Variants in SENP6 observed in about 807,000 individuals in gnomAD.
SENP6 encodes the protein sentrin-specific protease 6.
A neutral mutation model predicts 134.5 loss-of-function variants in SENP6; 41 were observed. The ratio of observed to expected loss-of-function variants is 0.30; its 90% CI spans 0.24 to 0.40. The LOEUF (loss-of-function observed/expected upper bound fraction) is 0.40. Ranked by LOEUF, SENP6 falls within the 10% of genes least tolerant of loss-of-function variation. The probability of loss-of-function intolerance (pLI) is 1.00; values close to 1 mark genes in which losing one functional copy is unlikely to be tolerated. For missense variants in SENP6, 1,248 were observed against 1,312.5 expected (o/e 0.95, Z 0.76); for synonymous variants, 395 against 429.8 (o/e 0.92, Z 1.00).
intron 3 of SENP6, among the ~76,000 whole-genome samples, chr6:75,624,602 T>G (rs916348145): frequency 2.0e-5 from 3 of 152,206 alleles, no homozygotes; most frequent in African/African-American, 7.2e-5. Context: ...CAGTGTAGTT[T>G]TAATTTCCAT....
intron 11 of SENP6, 70 bp from the exon 12 acceptor site, chr6:75,675,364 AT>A (rs1384908700): frequency 1.2e-6 from 1 of 851,500 alleles, no homozygotes; most frequent in Non-Finnish European, 1.9e-6. Context: ...CATTCTAAGT[AT>A]TTGAATAAAA....
intron 9 of SENP6, among the ~76,000 whole-genome samples, chr6:75,663,828 G>T (rs1343658319): frequency 6.7e-6 from 1 of 148,504 alleles, no homozygotes; most frequent in Non-Finnish European, 1.5e-5. Context: ...TTGTGGGGGG[G>T]GGGGTGCCTA....
chr6:75,663,591 T>A, intron 9 of SENP6, 73 bp downstream of exon 9: 1 of 1,059,924 alleles, frequency 9.4e-7, no homozygotes, highest in Admixed American at 2.6e-5. Context: ...ACAACCACTC[T>A]CCCCAACCCC....
At chr6:75,686,534 C>G (rs1210974491) in intron 16 of SENP6, among the ~76,000 whole-genome samples, 1 of 152,140 alleles carries the variant, frequency 6.6e-6, no homozygotes, top group Non-Finnish European at 1.5e-5. Flanking sequence ...TGGCTGGTAC[C>G]AGTTGTTTCT....
chr6:75,698,420 T>A (rs1774797341), intron 18 of SENP6, among the ~76,000 whole-genome samples: 2 of 152,240 alleles, frequency 1.3e-5, no homozygotes, highest in African/African-American at 2.4e-5. Context: ...GGTTGCAGAA[T>A]ATGCTTTCCT....
intron 6 of SENP6, among the ~76,000 whole-genome samples, chr6:75,642,850 C>T (rs1212455378): frequency 2.0e-5 from 3 of 152,122 alleles, no homozygotes; most frequent in African/African-American, 7.2e-5. Flanking sequence ...AAAGGAAAAT[C>T]AGTAATAGTC....
chr6:75,656,964 T>C (rs1771388615), intron 7 of SENP6, among the ~76,000 whole-genome samples: 1 of 152,188 alleles, frequency 6.6e-6, no homozygotes, highest in South Asian at 2.1e-4. Context: ...GTTATAGGTA[T>C]GGTGAAGAGA....
intron 3 of SENP6, among the ~76,000 whole-genome samples, chr6:75,631,111 T>C (rs1247016766): frequency 6.6e-6 from 1 of 152,176 alleles, no homozygotes; most frequent in Non-Finnish European, 1.5e-5. Context: ...TTTTCGATAG[T>C]GTGTCTAATT....
At chr6:75,631,259 CTTAAA>C (rs1387845412) in intron 3 of SENP6, among the ~76,000 whole-genome samples, 6 of 152,080 alleles carry the variant, frequency 3.9e-5, no homozygotes, top group African/African-American at 1.4e-4. Flanking sequence ...CAGTACTTTA[CTTAAA>C]TTACATGATG....
intron 14 of SENP6, 172 bp from the exon 15 acceptor site, chr6:75,678,411 T>C (rs1327689612): frequency 9.4e-6 from 5 of 530,684 alleles, no homozygotes; most frequent in Admixed American, 7.8e-5. Context: ...AATAAGAAAG[T>C]GGCCCCTAGT....
intron 3 of SENP6, among the ~76,000 whole-genome samples, chr6:75,631,635 TGGA>T (rs1222660376): frequency 6.6e-6 from 1 of 152,198 alleles, no homozygotes; most frequent in African/African-American, 2.4e-5. Flanking sequence ...AAAGTTTTCT[TGGA>T]AAACAGCCAT....
chr6:75,703,774 CAAA>C (rs1171761782), intron 19 of SENP6, among the ~76,000 whole-genome samples: 3 of 151,858 alleles, frequency 2.0e-5, no homozygotes, highest in African/African-American at 7.3e-5. Flanking sequence ...AATTAAAAAA[CAAA>C]AAAATTGAGA....
intron 3 of SENP6, among the ~76,000 whole-genome samples, chr6:75,627,841 T>A (rs1768814891): frequency 6.6e-6 from 1 of 151,812 alleles, no homozygotes; most frequent in Non-Finnish European, 1.5e-5. Context: ...CACGCCCGGC[T>A]AATTTTTTAT....
intron 16 of SENP6, among the ~76,000 whole-genome samples, chr6:75,684,540 T>C (rs530732489): frequency 6.6e-6 from 1 of 152,330 alleles, no homozygotes; most frequent in Non-Finnish European, 1.5e-5. Flanking sequence ...GGGTTTGTCA[T>C]AAATAGCTCT....
intron 6 of SENP6, among the ~76,000 whole-genome samples, chr6:75,647,130 C>G (rs6902058): frequency 0.3 from 45,141 of 152,018 alleles, 7,128 homozygotes; most frequent in Middle Eastern, 0.37. Flanking sequence ...GCTCCCTGGT[C>G]TGTTGCACTT....
At chr6:75,634,264 A>T (rs1427324200) in intron 4 of SENP6, among the ~76,000 whole-genome samples, 1 of 152,144 alleles carries the variant, frequency 6.6e-6, no homozygotes, top group Non-Finnish European at 1.5e-5. Flanking sequence ...GCAAAATCAG[A>T]AATAGTATTT....
chr6:75,666,093 A>G (rs942891210), intron 9 of SENP6, among the ~76,000 whole-genome samples: 1 of 146,576 alleles, frequency 6.8e-6, no homozygotes, highest in African/African-American at 2.5e-5. Context: ...AAACGTATAT[A>G]TGATATATAT....
chr6:75,606,106 T>C (rs550287180), intron 1 of SENP6, among the ~76,000 whole-genome samples: 1 of 152,290 alleles, frequency 6.6e-6, no homozygotes, highest in Non-Finnish European at 1.5e-5. Flanking sequence ...AGAAGGAAAT[T>C]AACAACACTG....
intron 2 of SENP6, among the ~76,000 whole-genome samples, chr6:75,621,891 T>G (rs1427575472): frequency 1.3e-5 from 2 of 152,234 alleles, no homozygotes; most frequent in Admixed American, 6.5e-5. Context: ...ATGGAAGGCT[T>G]CAAAATAAGG....
Sources: allele counts gnomAD v4.1 joint callset (sites outside exome capture counted in the v4.1 genomes callset), GRCh38; gene constraint gnomAD v4.1.1; transcripts MANE v1.5; gene names NCBI Gene and HGNC (gene_info 2026-07-23, HGNC 2026-07-21).